ZNF462: variants seen among roughly 807,000 people sequenced by gnomAD.
ZNF462 encodes the protein zinc finger protein 462, also known as zinc finger PBX1-interacting protein.
In ZNF462, 10 loss-of-function variants were observed where a neutral mutation model predicts 201.9. The ratio of observed to expected loss-of-function variants is 0.05; its 90% CI spans 0.03 to 0.08. ZNF462 has a LOEUF of 0.08. ZNF462 is among the 10% of genes least tolerant of loss of function. ZNF462 has a pLI of 1.00. For missense variants in ZNF462, 2,523 were observed against 3,168.3 expected (o/e 0.80, Z 4.89); for synonymous variants, 1,227 against 1,193.3 (o/e 1.03, Z -0.58).
In ZNF462 at chr9:106,966,928, C is replaced by T. The variant is rs1832100051; in HGVS notation, c.6428-5077C>T. On this transcript the variant is annotated intron_variant, in intron 7 of 12. Coordinates refer to ENST00000277225, the MANE Select transcript of ZNF462 (RefSeq NM_021224.6). This position sits in a 1 kb window ranked among gnomAD's most constrained non-coding sequence, Gnocchi z 4.4. ...GTACTTCTGTTCCCTTTCACCTTCA[C>T]TCATATTCTCTATGCAGGGCTGCAG... Among the ~76,000 whole-genome samples, 1 of 152,134 alleles carries T rather than the reference C, an allele frequency of 6.6e-6. No homozygotes were observed. Among genetic ancestry groups the T allele is most frequent in the Non-Finnish European group, 1.5e-5 (1 of 68,014 alleles).
At chr9:106,941,388 A>G (rs1830863478) in intron 7 of ZNF462, among the ~76,000 whole-genome samples, 1 of 152,212 alleles carries the variant, frequency 6.6e-6, no homozygotes, top group African/African-American at 2.4e-5. Context: ...TTCTTGGAGG[A>G]TGGACTGTGG....
chr9:106,919,543 T>A lies in ZNF462; in HGVS notation c.-30-3811T>A, dbSNP rs540141698. ...AAATCTTTGACATCATCTCTGGATG[T>A]TCTTTATATCTTAAAGAGTTTGTCA... On this transcript the variant is annotated intron_variant, in intron 1 of 12. Coordinates refer to ENST00000277225, the MANE Select transcript of ZNF462 (RefSeq NM_021224.6). This position sits in a 1 kb window ranked among gnomAD's most constrained non-coding sequence, Gnocchi z 4.5. Among the ~76,000 whole-genome samples the A allele has an allele frequency of 6.6e-6, 1 of 152,376 alleles. No homozygotes were observed. The highest frequency in any genetic ancestry group is 1.9e-4 in the East Asian group (1 of 5,194).
chr9:106,941,904 G>A (rs1326369547), intron 7 of ZNF462, among the ~76,000 whole-genome samples: 1 of 152,232 alleles, frequency 6.6e-6, no homozygotes, highest in Non-Finnish European at 1.5e-5. Flanking sequence ...TGGAAAAACA[G>A]CTGTGGGGCT....
chr9:106,930,376 T>G lies in ZNF462; in HGVS notation c.5848-149T>G. 1 of 1,012,646 alleles carries G rather than the reference T, an allele frequency of 9.9e-7. No homozygotes were observed. The allele number at this position is 1,012,646 out of a possible 1,614,324, so 62.7% of individuals were successfully genotyped here. A position where few individuals can be genotyped will look rare whatever the true frequency, so the allele number is the denominator to read the frequency against. On this transcript the variant is annotated intron_variant, in intron 3 of 12. Coordinates refer to ENST00000277225, the MANE Select transcript of ZNF462 (RefSeq NM_021224.6). The surrounding 1 kb of genome is among the most constrained non-coding windows in gnomAD (Gnocchi z 5.8). ...GCAGCGTGCCATGATGCTGACAAAT[T>G]TGTTATATAAAAATACTCGCCTATA...
rs1249247921 is a variant in ZNF462, at chr9:106,929,392, G to T, written c.5480G>T (p.Gly1827Val). The T allele has an allele frequency of 6.2e-7, 1 of 1,614,084 alleles. No homozygotes were observed. ...ACACTGATGGAAGAAGAGGAGAGAG[G>T]CAACTTTGAGAAAGCCGAGGTGGAG... ...KPTLMEEEER[G>V]NFEKAEVEGE... The change falls in exon 3 of 13, where the codon GGC (glycine) becomes GTC (valine). Residue 1827 changes from glycine (G) to valine (V), a missense_variant. Around this residue, in one of 15 missense-constraint regions of ZNF462, gnomAD observed 207 missense variants for 231.6 expected, o/e 0.89. Coordinates refer to ENST00000277225, the MANE Select transcript of ZNF462 (RefSeq NM_021224.6). This position sits in a 1 kb window ranked among gnomAD's most constrained non-coding sequence, Gnocchi z 8.7.
At chr9:106,915,871 C>T (rs539736100) in intron 1 of ZNF462, among the ~76,000 whole-genome samples, 3 of 152,268 alleles carry the variant, frequency 2.0e-5, no homozygotes, top group African/African-American at 7.2e-5. Context: ...GATCCAGGTG[C>T]CAGGCTTAGG....
intron 1 of ZNF462, among the ~76,000 whole-genome samples, chr9:106,894,940 C>G (rs1457792345): frequency 6.6e-6 from 1 of 152,104 alleles, no homozygotes; most frequent in Non-Finnish European, 1.5e-5. Context: ...ACACTTGTTT[C>G]TAGCTGCTAG....
Position 107,012,868 on chromosome 9 carries a change from T to C in ZNF462, c.*1838T>C, listed in dbSNP as rs1830004075. 1 of 152,140 alleles carries C rather than the reference T, an allele frequency of 6.6e-6. No individual in the cohort carries two copies. Among genetic ancestry groups the C allele is most frequent in the Non-Finnish European group, 1.5e-5 (1 of 68,016 alleles). The allele number at this position is 152,140 out of a possible 1,614,324, so 9.4% of individuals were successfully genotyped here. On this transcript the variant is annotated 3_prime_UTR_variant, in exon 13 of 13. Transcript: ENST00000277225. Reference sequence around the variant, plus strand: ...AATAAGTGCTTACTTGAAAAGCATGTTCTTCTTTTATTTTCTTACTGTTAA... The same window carrying C: ...AATAAGTGCTTACTTGAAAAGCATGCTCTTCTTTTATTTTCTTACTGTTAA...
chr9:106,868,280 G>A (rs540440850), intron 1 of ZNF462, among the ~76,000 whole-genome samples: 3 of 152,204 alleles, frequency 2.0e-5, no homozygotes, highest in Admixed American at 2.0e-4. Flanking sequence ...ATGTTATGTT[G>A]GGCCCTAAGG....
At chr9:106,921,160 G>A (rs1052874359) in intron 1 of ZNF462, among the ~76,000 whole-genome samples, 9 of 152,086 alleles carry the variant, frequency 5.9e-5, no homozygotes, top group African/African-American at 2.2e-4. Context: ...AAGAAGCCAA[G>A]GCATTCTGGA....
At chr9:106,864,330 C>T (rs541074527) in intron 1 of ZNF462, among the ~76,000 whole-genome samples, 180 of 151,982 alleles carry the variant, frequency 1.2e-3, no homozygotes, top group African/African-American at 4.1e-3. Flanking sequence ...GAAGCCATTA[C>T]ACACGCTTGG....
At position 106,927,139 on chromosome 9, in the gene ZNF462, C is replaced by T. The variant is rs1343476765; in HGVS notation, c.3227C>T (p.Ser1076Phe). Reference protein sequence around the residue: ...TMRMVSVDRGSALSQLSFEVG... With the variant: ...TMRMVSVDRGFALSQLSFEVG... ...CGAATGGTGTCTGTGGACAGGGGCT[C>T]TGCCCTTTCTCAATTATCATTTGAG... Residue 1076 changes from serine to phenylalanine, a missense_variant, in exon 3 of 13, where the codon TCT becomes TTT. Coordinates refer to ENST00000277225, the MANE Select transcript of ZNF462 (RefSeq NM_021224.6). 1 of 1,614,176 alleles carries T rather than the reference C, an allele frequency of 6.2e-7. No individual in the cohort carries two copies. The highest frequency in any genetic ancestry group is 8.5e-7 in the Non-Finnish European group (1 of 1,180,040).
At chr9:106,955,324 A>G (rs1172613895) in intron 7 of ZNF462, among the ~76,000 whole-genome samples, 3 of 152,208 alleles carry the variant, frequency 2.0e-5, no homozygotes, top group African/African-American at 7.2e-5. Context: ...TGTTTACACT[A>G]TACTGTAGTT....
chr9:106,887,925 A>G (rs954662839), intron 1 of ZNF462, among the ~76,000 whole-genome samples: 1 of 152,234 alleles, frequency 6.6e-6, no homozygotes, highest in Non-Finnish European at 1.5e-5. Context: ...TTCCAAAGAC[A>G]AGCTGTTGTG....
chr9:106,875,116 C>T (rs76279833), intron 1 of ZNF462, among the ~76,000 whole-genome samples: 6,578 of 152,256 alleles, frequency 0.043, 184 homozygotes, highest in Non-Finnish European at 0.067. Context: ...AGCAGCTTCT[C>T]AACGGTAAAT....
chr9:106,900,667 T>C (rs1829027303), intron 1 of ZNF462, among the ~76,000 whole-genome samples: 1 of 152,252 alleles, frequency 6.6e-6, no homozygotes, highest in South Asian at 2.1e-4. Flanking sequence ...TTCATGTTTG[T>C]TGGCCATTTG....
At position 106,927,409 on chromosome 9, in the gene ZNF462, C is replaced by G. The variant is rs781746066; in HGVS notation, c.3497C>G (p.Ser1166Cys). The change falls in exon 3 of 13, where the codon TCC (serine) becomes TGC (cysteine). Residue 1166 changes from serine (S) to cysteine (C), a missense_variant. By Grantham distance (112) the Ser-to-Cys change is moderately radical. Coordinates refer to ENST00000277225, the MANE Select transcript of ZNF462 (RefSeq NM_021224.6). ...MMRGVEGPQG[S>C]PRPPAPIQQL... ...AGAGGGGTCGAAGGGCCCCAAGGCT[C>G]CCCCCGGCCACCCGCCCCCATACAA... 3.7e-6 allele frequency: 6 copies of G among 1,613,540 alleles called. No homozygotes were observed. The East Asian group carries it at 1.3e-4, about 36-fold the overall frequency.
rs1329770411 is a variant in ZNF462, at chr9:106,930,467, A to C, written c.5848-58A>C. Reference sequence around the variant, plus strand: ...AGTATGTTAGTAAACTGCAAGAATAAATTCTGACAATTGAGGGAGGGCTCG... The same window carrying C: ...AGTATGTTAGTAAACTGCAAGAATACATTCTGACAATTGAGGGAGGGCTCG... On this transcript the variant is annotated intron_variant, in intron 3 of 12. Transcript: ENST00000277225. The surrounding 1 kb of genome is among the most constrained non-coding windows in gnomAD (Gnocchi z 5.8). 1 of 1,593,134 alleles carries C rather than the reference A, an allele frequency of 6.3e-7. No homozygotes were observed. The highest frequency in any genetic ancestry group is 1.3e-5 in the African/African-American group (1 of 74,296).
chr9:106,867,548 C>T (rs943685192), intron 1 of ZNF462, among the ~76,000 whole-genome samples: 1 of 150,538 alleles, frequency 6.6e-6, no homozygotes, highest in African/African-American at 2.5e-5. Context: ...CCCCCTTACT[C>T]TTTGGAGTTG....
Sources: allele counts gnomAD v4.1 joint callset (sites outside exome capture counted in the v4.1 genomes callset), GRCh38; gene constraint gnomAD v4.1.1; regional missense constraint gnomAD v4.1.1; non-coding constraint Gnocchi (gnomAD v3.1); transcripts MANE v1.5; gene names NCBI Gene and HGNC (gene_info 2026-07-23, HGNC 2026-07-21).